NLRP5: variants seen among roughly 807,000 people sequenced by gnomAD.
The protein encoded by NLRP5 is NACHT, LRR and PYD domains-containing protein 5.
In NLRP5, 93 loss-of-function variants were observed where a neutral mutation model predicts 113.1. That is an observed-to-expected ratio of 0.82 (90% CI 0.70 to 0.98). The LOEUF (loss-of-function observed/expected upper bound fraction) is 0.98, where lower values mean the gene tolerates loss of function less well. NLRP5 is among the 50% of genes least tolerant of loss of function. NLRP5 has a pLI of 0.00. For synonymous variants in NLRP5, 751 were observed against 600.7 expected, an observed-to-expected ratio of 1.25 and a Z score of -3.66; for missense variants, 1,808 against 1,514.3, an observed-to-expected ratio of 1.19 and a Z score of -3.22.
At chr19:56,021,644 A>G (rs1362219261) in intron 6 of NLRP5, among the ~76,000 whole-genome samples, 1 of 152,184 alleles carries the variant, frequency 6.6e-6, no homozygotes, top group Admixed American at 6.5e-5. Flanking sequence ...TCCAGTGTCT[A>G]TCAGCACTTC....
chr19:56,030,567 C>T (rs553458858), intron 7 of NLRP5, among the ~76,000 whole-genome samples: 2 of 152,206 alleles, frequency 1.3e-5, no homozygotes, highest in South Asian at 2.1e-4. Flanking sequence ...GGAGTCACAG[C>T]CTGGGCAATT....
chr19:56,055,951 G>A (rs953191480), intron 13 of NLRP5, among the ~76,000 whole-genome samples: 1 of 152,106 alleles, frequency 6.6e-6, no homozygotes, highest in African/African-American at 2.4e-5. Context: ...CACCCTCTCT[G>A]CTCTTTGGTA....
upstream of NLRP5, among the ~76,000 whole-genome samples, chr19:55,996,849 C>A (rs1313556496): frequency 6.6e-6 from 1 of 152,060 alleles, no homozygotes; most frequent in African/African-American, 2.4e-5. Flanking sequence ...AGGTATATAC[C>A]CAGTAATGAG....
At chr19:56,014,527 C>T in intron 3 of NLRP5, among the ~76,000 whole-genome samples, 1 of 151,424 alleles carries the variant, frequency 6.6e-6, no homozygotes, top group African/African-American at 2.4e-5. Flanking sequence ...AGGTTTACAC[C>T]AATATTTCCT....
intron 6 of NLRP5, among the ~76,000 whole-genome samples, chr19:56,021,086 G>C (rs898050154): frequency 6.6e-6 from 1 of 151,828 alleles, no homozygotes; most frequent in African/African-American, 2.4e-5. Flanking sequence ...TGGCCAGGTC[G>C]GTCTCGCACT....
At chr19:55,987,111 A>G in the NLRP5 span, among the ~76,000 whole-genome samples, 4 of 152,174 alleles carry the variant, frequency 2.6e-5, no homozygotes, top group Non-Finnish European at 4.4e-5. Flanking sequence ...GCTCACGCCT[A>G]TAATCCCAGC....
intron 7 of NLRP5, 130 bp downstream of exon 7, chr19:56,028,639 G>C (rs968153411): frequency 1.1e-6 from 1 of 911,814 alleles, no homozygotes; most frequent in East Asian, 2.4e-5. Context: ...CCCAGATGAC[G>C]TCCAGCTGGC....
At chr19:55,998,348 C>T (rs1282723577), upstream of NLRP5, among the ~76,000 whole-genome samples, 2 of 152,014 alleles carry the variant, frequency 1.3e-5, no homozygotes, top group East Asian at 3.9e-4. Flanking sequence ...CAGAGTGAGA[C>T]ACTTTTTCTA....
At chr19:56,030,050 A>C (rs1033178525) in intron 7 of NLRP5, among the ~76,000 whole-genome samples, 3 of 149,000 alleles carry the variant, frequency 2.0e-5, no homozygotes, top group Admixed American at 6.8e-5. Flanking sequence ...GTGAGACTCC[A>C]TCTCAAAAAA....
In NLRP5 at chr19:56,027,337, C is replaced by G. The variant is rs773826354; in HGVS notation, c.1104C>G (p.Gly368=). 6 of 1,612,956 alleles carry G rather than the reference C, an allele frequency of 3.7e-6. No individual in the cohort carries two copies. The highest frequency in any genetic ancestry group is 5.1e-6 in the Non-Finnish European group (6 of 1,179,850). The change falls in exon 7 of 15, where the codon GGC becomes GGG. Residue 368 remains glycine (G), a synonymous_variant. Transcript: ENST00000390649. ...TCATTGACGGTTTCGATGACCTGGG[C>G]TCTGTCCTCAACAATGACACAAAGC...
At chr19:56,004,990 A>T (rs908374379) in intron 2 of NLRP5, among the ~76,000 whole-genome samples, 2 of 151,514 alleles carry the variant, frequency 1.3e-5, no homozygotes, top group Non-Finnish European at 2.9e-5. Context: ...GCTACTCAGG[A>T]GACTGAGGCA....
At chr19:56,029,746 G>C (rs180975771) in intron 7 of NLRP5, among the ~76,000 whole-genome samples, 59 of 152,006 alleles carry the variant, frequency 3.9e-4, no homozygotes, top group African/African-American at 1.4e-3. Flanking sequence ...ACCAGCCTGG[G>C]CAACAAAGTA....
intron 2 of NLRP5, among the ~76,000 whole-genome samples, chr19:56,005,048 T>C (rs1968484): frequency 0.15 from 22,436 of 147,406 alleles, 1,819 homozygotes; most frequent in African/African-American, 0.2. Flanking sequence ...GAGCCGAGAT[T>C]ATGCCACTGC....
Position 56,056,326 on chromosome 19 carries a change from G to C in NLRP5, c.3300-1914G>C, listed in dbSNP as rs181722847. On this transcript the variant is annotated intron_variant, in intron 13 of 14. Transcript: ENST00000390649. The stretch of plus-strand genomic sequence containing the variant: ...TCATCCCAGCACTATGGGAGGCTGA[G>C]GGGGGTGGATCACCTGAGGTCAAGA... Among the ~76,000 whole-genome samples, 626 of 148,096 alleles carry C rather than the reference G, an allele frequency of 4.2e-3. 8 individuals are homozygous for C. The highest frequency in any genetic ancestry group is 0.016 in the African/African-American group (597 of 37,756).
intron 11 of NLRP5, among the ~76,000 whole-genome samples, chr19:56,043,762 A>G (rs1983614034): frequency 6.6e-6 from 1 of 151,102 alleles, no homozygotes; most frequent in South Asian, 2.1e-4. Context: ...TGTTTTTAGT[A>G]GAGACAGGGT....
intron 7 of NLRP5, among the ~76,000 whole-genome samples, chr19:56,030,933 T>C (rs1310388498): frequency 2.1e-4 from 32 of 151,886 alleles, no homozygotes; most frequent in Admixed American, 1.8e-3. Flanking sequence ...AGGCTGGTCT[T>C]GAACTCCTGA....
At chr19:56,003,633 G>C in intron 1 of NLRP5, 103 bp from the exon 2 acceptor site, 1 of 1,372,958 alleles carries the variant, frequency 7.3e-7, no homozygotes, top group Non-Finnish European at 9.9e-7. Flanking sequence ...ATGAAGAATT[G>C]AAAAGAGAAG....
upstream of NLRP5, among the ~76,000 whole-genome samples, chr19:55,995,273 G>A (rs1981289003): frequency 6.6e-6 from 1 of 152,132 alleles, no homozygotes; most frequent in Non-Finnish European, 1.5e-5. Context: ...ATGAGTTCAT[G>A]GGTGCAGCAA....
chr19:55,989,109 T>G, the NLRP5 span, among the ~76,000 whole-genome samples: 62 of 152,362 alleles, frequency 4.1e-4, no homozygotes, highest in East Asian at 0.012. Context: ...TGTTCTATCA[T>G]CAGTGTTCAC....
Sources: allele counts gnomAD v4.1 joint callset (sites outside exome capture counted in the v4.1 genomes callset), GRCh38; gene constraint gnomAD v4.1.1; transcripts MANE v1.5; gene names NCBI Gene and HGNC (gene_info 2026-07-23, HGNC 2026-07-21).